The following EPHA5 variants were observed in gnomAD, a reference collection of about 807,000 sequenced individuals.
EPHA5 encodes the protein EPH receptor A5.
EPHA5 carries 60 observed loss-of-function variants against 105.0 expected under a neutral mutation model. The ratio of observed to expected loss-of-function variants is 0.57; its 90% CI spans 0.46 to 0.71. The LOEUF is 0.71. EPHA5 is among the 30% of genes least tolerant of loss of function. The pLI is 0.00. For missense variants in EPHA5, 1,218 were observed against 1,274.7 expected, an observed-to-expected ratio of 0.96 and a Z score of 0.68; for synonymous variants, 513 against 449.1, an observed-to-expected ratio of 1.14 and a Z score of -1.80.
intron 5 of EPHA5, among the ~76,000 whole-genome samples, chr4:65,458,201 A>G (rs1455429549): frequency 6.6e-6 from 1 of 151,270 alleles, no homozygotes; most frequent in Non-Finnish European, 1.5e-5. Context: ...CACTTATTTT[A>G]TCTCAAAAAT....
At chr4:65,553,111 T>C (rs1738079826) in intron 3 of EPHA5, among the ~76,000 whole-genome samples, 2 of 152,090 alleles carry the variant, frequency 1.3e-5, no homozygotes, top group African/African-American at 4.8e-5. Context: ...AAATTAATAC[T>C]TCTCTGAGTG....
At chr4:65,625,317 C>A (rs1264431634) in intron 2 of EPHA5, among the ~76,000 whole-genome samples, 1 of 150,482 alleles carries the variant, frequency 6.6e-6, no homozygotes, top group Non-Finnish European at 1.5e-5. Context: ...TTTGTCATAC[C>A]AAAAAAAATG....
intron 5 of EPHA5, among the ~76,000 whole-genome samples, chr4:65,462,295 G>C (rs1199094445): frequency 1.3e-5 from 2 of 152,060 alleles, no homozygotes; most frequent in Admixed American, 1.3e-4. Flanking sequence ...TTATAAAAAT[G>C]ATAGAATAAT....
intron 5 of EPHA5, among the ~76,000 whole-genome samples, chr4:65,437,638 C>T (rs1725602261): frequency 6.6e-6 from 1 of 151,848 alleles, no homozygotes; most frequent in African/African-American, 2.4e-5. Context: ...GGATTTTAAT[C>T]ATGTTGTTTC....
At chr4:65,456,782 C>T (rs1199935436) in intron 5 of EPHA5, among the ~76,000 whole-genome samples, 1 of 151,762 alleles carries the variant, frequency 6.6e-6, no homozygotes, top group Non-Finnish European at 1.5e-5. Flanking sequence ...TGTCACCTAT[C>T]CACTTTCCCA....
At chr4:65,645,812 G>GA (rs1748070284) in intron 1 of EPHA5, among the ~76,000 whole-genome samples, 1 of 151,924 alleles carries the variant, frequency 6.6e-6, no homozygotes, top group Non-Finnish European at 1.5e-5. Flanking sequence ...TATAGACTAG[G>GA]AAATTCACAA....
intron 2 of EPHA5, among the ~76,000 whole-genome samples, chr4:65,610,507 G>A (rs928492891): frequency 1.3e-5 from 2 of 151,622 alleles, no homozygotes; most frequent in African/African-American, 2.4e-5. Context: ...CATGTGCCCC[G>A]AGAACCTAAA....
rs193004497 is a variant in EPHA5, at chr4:65,338,333, A to G, written c.2596-2208T>C. Among the ~76,000 whole-genome samples the G allele has an allele frequency of 4.0e-4, 61 of 152,290 alleles. 1 individual carries two copies. The highest frequency in any genetic ancestry group is 1.0e-3 in the Admixed American group (16 of 15,292). ...AGGTATCAAAATAAAGCATCCTAAT[A>G]TAAATGGCTTAAGTCATGTAATATA... On this transcript the variant is annotated intron_variant, in intron 14 of 16. Coordinates refer to ENST00000613740, the MANE Select transcript of EPHA5 (RefSeq NM_001281766.3).
rs550184079 is a variant in EPHA5, at chr4:65,558,882, A to G, written c.910+42759T>C. ...CAAATTTCTCATTTAAAAAATTCTTAAAAACAAAAGATAAGAATTATTTTA... is the reference window on the plus strand; with the variant it reads ...CAAATTTCTCATTTAAAAAATTCTTGAAAACAAAAGATAAGAATTATTTTA... On this transcript the variant is annotated intron_variant, in intron 3 of 16. Transcript: ENST00000613740. 4.2e-4 allele frequency among the ~76,000 whole-genome samples: 64 copies of G among 152,282 alleles called. 1 individual carries two copies. In the Middle Eastern group the frequency reaches 0.014, roughly 32 times the overall value.
At chr4:65,404,599 A>G (rs1722181157) in intron 7 of EPHA5, 120 bp from the exon 8 acceptor site, 1 of 725,420 alleles carries the variant, frequency 1.4e-6, no homozygotes, top group African/African-American at 1.8e-5. Flanking sequence ...CACTTAGCTG[A>G]AATTTCCCCT....
At chr4:65,618,897 G>A (rs1057338340) in intron 2 of EPHA5, among the ~76,000 whole-genome samples, 5 of 152,208 alleles carry the variant, frequency 3.3e-5, no homozygotes, top group African/African-American at 1.2e-4. Flanking sequence ...GCTCACGCCT[G>A]TAATCCCAGC....
chr4:65,626,298 TTTAGTTG>T (rs1167043361), intron 2 of EPHA5, among the ~76,000 whole-genome samples: 5 of 152,160 alleles, frequency 3.3e-5, no homozygotes, highest in Non-Finnish European at 7.4e-5. Flanking sequence ...TTTTGAACTT[TTTAGTTG>T]TTATAAGTAC....
At chr4:65,353,763 CT>C (rs1238024930) in intron 11 of EPHA5, among the ~76,000 whole-genome samples, 2 of 151,656 alleles carry the variant, frequency 1.3e-5, no homozygotes, top group Non-Finnish European at 2.9e-5. Context: ...ATTTTCCTAC[CT>C]TTACCTCTAT....
chr4:65,515,798 A>G (rs751571357), intron 3 of EPHA5, among the ~76,000 whole-genome samples: 5 of 152,154 alleles, frequency 3.3e-5, no homozygotes, highest in Non-Finnish European at 5.9e-5. Flanking sequence ...AGAGATTAGC[A>G]TCTGAATAGA....
At chr4:65,628,025 A>C (rs1746306340) in intron 2 of EPHA5, among the ~76,000 whole-genome samples, 1 of 152,150 alleles carries the variant, frequency 6.6e-6, no homozygotes, top group Non-Finnish European at 1.5e-5. Context: ...TCAAGTTGTC[A>C]GTATTATTTG....
At position 65,495,688 on chromosome 4, in the gene EPHA5, T is replaced by C. The variant is rs957722550; in HGVS notation, c.911-145A>G. 7 of 604,378 alleles carry C rather than the reference T, an allele frequency of 1.2e-5. No homozygotes were observed. The African/African-American group carries it at 1.3e-4, about 11-fold the overall frequency. 37.4% of individuals were successfully genotyped at this position (604,378 alleles called of 1,614,324 possible). A position where few individuals can be genotyped will look rare whatever the true frequency, so the allele number is the denominator to read the frequency against. ...ATTTCAAGAAGTTTTCATAAGCTTC[T>C]GGATCATAAATACCAGGCTATTCAT... On this transcript the variant is annotated intron_variant, in intron 3 of 16. Coordinates refer to ENST00000613740, the MANE Select transcript of EPHA5 (RefSeq NM_001281766.3).
At chr4:65,605,714 T>TG in intron 2 of EPHA5, among the ~76,000 whole-genome samples, 1 of 151,766 alleles carries the variant, frequency 6.6e-6, no homozygotes, top group African/African-American at 2.4e-5. Flanking sequence ...AGTAGACATC[T>TG]GAAAAAAAAA....
At chr4:65,651,848 A>G (rs2149529972) in intron 1 of EPHA5, among the ~76,000 whole-genome samples, 1 of 152,258 alleles carries the variant, frequency 6.6e-6, no homozygotes, top group African/African-American at 2.4e-5. Flanking sequence ...AGATGGCAGA[A>G]AAGAATTCAG....
At chr4:65,658,158 G>T (rs72642688) in intron 1 of EPHA5, among the ~76,000 whole-genome samples, 2 of 151,972 alleles carry the variant, frequency 1.3e-5, no homozygotes, top group Admixed American at 1.3e-4. Context: ...GGAAAATCTT[G>T]TACAGACCTA....
Sources: allele counts gnomAD v4.1 joint callset (sites outside exome capture counted in the v4.1 genomes callset), GRCh38; gene constraint gnomAD v4.1.1; transcripts MANE v1.5; gene names NCBI Gene and HGNC (gene_info 2026-07-23, HGNC 2026-07-21).